Variants in PRRC2C observed in about 807,000 individuals in gnomAD.
The protein encoded by PRRC2C is protein PRRC2C.
In PRRC2C, 72 loss-of-function variants were observed where a neutral mutation model predicts 317.2. The observed-to-expected ratio is 0.23, with a 90% CI of 0.19 to 0.28. PRRC2C has a LOEUF of 0.28. Among genes scored for constraint, PRRC2C ranks in the 10% least tolerant of loss-of-function variants. The pLI, the probability that PRRC2C is intolerant of heterozygous loss-of-function variation, is 1.00. For missense variants in PRRC2C, 3,074 were observed against 3,459.7 expected, an observed-to-expected ratio of 0.89 and a Z score of 2.80; for synonymous variants, 1,296 against 1,205.9, an observed-to-expected ratio of 1.07 and a Z score of -1.55.
Position 171,588,380 on chromosome 1 carries a change from G to GCTA in PRRC2C, c.8077_8079dup (p.Thr2693dup), listed in dbSNP as rs1455978635. On this transcript the variant is annotated inframe_insertion and splice_region_variant, in exon 33 of 35. Transcript: ENST00000647382. ...GACTAGTAATGGCTTCTTTCCAAGGGCTACTTCTACAAGTCCGAACAGCCA... is the reference window on the plus strand; with the variant it reads ...GACTAGTAATGGCTTCTTTCCAAGGGCTACTACTTCTACAAGTCCGAACAGCCA... 1 of 1,613,328 alleles carries GCTA rather than the reference G, an allele frequency of 6.2e-7. No individual in the cohort carries two copies. Among genetic ancestry groups the GCTA allele is most frequent in the South Asian group, 1.1e-5 (1 of 91,010 alleles).
chr1:171,534,601 A>G (rs1676480104), intron 12 of PRRC2C, among the ~76,000 whole-genome samples: 1 of 150,822 alleles, frequency 6.6e-6, no homozygotes, highest in East Asian at 1.9e-4. Flanking sequence ...CCAGTATATT[A>G]TTTTCCATTC....
chr1:171,527,900 G>C, intron 11 of PRRC2C, 56 bp downstream of exon 11: 2 of 1,442,204 alleles, frequency 1.4e-6, no homozygotes, highest in Non-Finnish European at 1.9e-6. Context: ...TTTTGTTTTG[G>C]TGGAAAGACA....
intron 26 of PRRC2C, 106 bp downstream of exon 26, chr1:171,577,743 G>C (rs1647353214): frequency 2.6e-6 from 2 of 774,698 alleles, no homozygotes; most frequent in Admixed American, 2.9e-5. Context: ...GGCTCTTAAA[G>C]TACATTGCTG....
intron 16 of PRRC2C, 104 bp from the exon 17 acceptor site, chr1:171,545,375 A>G (rs1232522568): frequency 1.1e-6 from 1 of 940,382 alleles, no homozygotes; most frequent in Non-Finnish European, 1.6e-6. Flanking sequence ...TTTCTATCCC[A>G]ACAGTGTTTC....
intron 11 of PRRC2C, among the ~76,000 whole-genome samples, chr1:171,531,015 C>T (rs7534557): frequency 0.16 from 24,033 of 152,140 alleles, 1,963 homozygotes; most frequent in Middle Eastern, 0.29. Context: ...CATGAAACAA[C>T]GTGCCCACAA....
intron 1 of PRRC2C, among the ~76,000 whole-genome samples, chr1:171,500,537 C>T (rs996948316): frequency 1.3e-5 from 2 of 152,060 alleles, no homozygotes; most frequent in African/African-American, 4.8e-5. Flanking sequence ...GCTTGAACTA[C>T]CGGTACACGC....
intron 16 of PRRC2C, among the ~76,000 whole-genome samples, chr1:171,542,629 A>G (rs1678161135): frequency 6.6e-6 from 1 of 152,222 alleles, no homozygotes; most frequent in Non-Finnish European, 1.5e-5. Flanking sequence ...ATAACCATAT[A>G]CTTTGTCACT....
At chr1:171,489,981 G>A (rs577466294) in intron 1 of PRRC2C, among the ~76,000 whole-genome samples, 46 of 151,916 alleles carry the variant, frequency 3.0e-4, no homozygotes, top group African/African-American at 1.1e-3. Flanking sequence ...GTGCAGTGGC[G>A]CTATCTTGGC....
intron 11 of PRRC2C, among the ~76,000 whole-genome samples, chr1:171,531,757 C>G (rs959866630): frequency 6.6e-6 from 1 of 152,144 alleles, no homozygotes; most frequent in Non-Finnish European, 1.5e-5. Flanking sequence ...GTTCTAGATA[C>G]GCTTTTCTGG....
chr1:171,571,998 T>C (rs555262109), intron 24 of PRRC2C, among the ~76,000 whole-genome samples: 3 of 152,100 alleles, frequency 2.0e-5, no homozygotes, highest in Non-Finnish European at 2.9e-5. Context: ...TCAAAATGTT[T>C]TGGCCTTTTT....
rs1681799445 is a variant in PRRC2C, at chr1:171,558,134, T to G, written c.6022T>G (p.Ser2008Ala). The change falls in exon 19 of 35, where the codon TCT (serine) becomes GCT (alanine). Residue 2008 changes from serine to alanine, a missense_variant. This residue lies in a region of PRRC2C where 640 missense variants were observed against 676.1 expected (regional missense o/e 0.95). Coordinates refer to ENST00000647382, the MANE Select transcript of PRRC2C (RefSeq NM_001387844.1). ...VAPPAVLNDI[S>A]KKLGPISPPQ... ...CCCACCAGCTGTGCTGAATGATATC[T>G]CTAAGAAATGTAAGTTGCAAAAGAG... 1 of 1,609,766 alleles carries G rather than the reference T, an allele frequency of 6.2e-7. No individual in the cohort carries two copies. The highest frequency in any genetic ancestry group is 8.5e-7 in the Non-Finnish European group (1 of 1,177,142).
intron 11 of PRRC2C, among the ~76,000 whole-genome samples, chr1:171,531,397 G>A (rs1159717364): frequency 6.6e-6 from 1 of 152,190 alleles, no homozygotes; most frequent in Non-Finnish European, 1.5e-5. Flanking sequence ...TTATCTCTGA[G>A]CTGTGGATGA....
chr1:171,510,204 G>A (rs2102231293), intron 1 of PRRC2C: 1 of 152,262 alleles, frequency 6.6e-6, no homozygotes, highest in East Asian at 1.9e-4. Context: ...GGAAAGTTTG[G>A]ATGTTAGATA....
rs570147947 is a variant in PRRC2C at position 171,564,077 on chromosome 1, A to T, written c.6118-2156A>T. On this transcript the variant is annotated intron_variant, in intron 20 of 34. Coordinates refer to ENST00000647382, the MANE Select transcript of PRRC2C (RefSeq NM_001387844.1). Reference sequence around the variant, plus strand: ...GAAGATGATTTTTTGTGAATGTCATACATTATTTTGGAGTTTTTCCTCATG... The same window carrying T: ...GAAGATGATTTTTTGTGAATGTCATTCATTATTTTGGAGTTTTTCCTCATG... Among the ~76,000 whole-genome samples, 6 of 152,280 alleles carry T rather than the reference A, an allele frequency of 3.9e-5. No individual in the cohort carries two copies. The South Asian group carries it at 1.2e-3, about 32-fold the overall frequency.
rs192771870 is a variant in PRRC2C, at chr1:171,539,734, T to A, written c.2505-237T>A. ...CCTTCTTTTTTATCCCTGAATAATA[T>A]TCTATTGTATGTGTATACCACATTT... is the stretch of plus-strand genomic sequence containing the variant. On this transcript the variant is annotated intron_variant, in intron 15 of 34. Coordinates refer to ENST00000647382, the MANE Select transcript of PRRC2C (RefSeq NM_001387844.1). Among the ~76,000 whole-genome samples, 6 of 152,334 alleles carry A rather than the reference T, an allele frequency of 3.9e-5. No homozygotes were observed. The East Asian group carries it at 1.2e-3, about 29-fold the overall frequency.
At chr1:171,554,570 C>A (rs1279703967) in intron 18 of PRRC2C, among the ~76,000 whole-genome samples, 1 of 152,170 alleles carries the variant, frequency 6.6e-6, no homozygotes. Flanking sequence ...CATTGATGGT[C>A]TTTACAATTT....
rs1677793827 is a variant in PRRC2C, at chr1:171,540,662, C to T, written c.3196C>T (p.Pro1066Ser). 1 of 1,613,854 alleles carries T rather than the reference C, an allele frequency of 6.2e-7. No homozygotes were observed. Among genetic ancestry groups the T allele is most frequent in the Non-Finnish European group, 8.5e-7 (1 of 1,179,888 alleles). ...EKKDLPPPPP[P>S]PQPPAPIQPQ... The stretch of plus-strand genomic sequence containing the variant: ...GAAGGATCTTCCTCCTCCCCCACCA[C>T]CACCTCAGCCACCAGCACCAATTCA... Residue 1066 changes from proline to serine, a missense_variant, in exon 16 of 35, where the codon CCA becomes TCA. Coordinates refer to ENST00000647382, the MANE Select transcript of PRRC2C (RefSeq NM_001387844.1).
intron 1 of PRRC2C, among the ~76,000 whole-genome samples, chr1:171,506,208 T>C (rs1344376796): frequency 6.6e-6 from 1 of 152,220 alleles, no homozygotes; most frequent in African/African-American, 2.4e-5. Context: ...ATTTTGCCTT[T>C]ATTTTTGGAA....
chr1:171,490,046 A>G (rs1666836083), intron 1 of PRRC2C, among the ~76,000 whole-genome samples: 1 of 151,854 alleles, frequency 6.6e-6, no homozygotes, highest in Non-Finnish European at 1.5e-5. Context: ...CAGCTTCCTG[A>G]GTAGCTGGGA....
Sources: gnomAD v4.1 joint callset for allele counts (sites outside exome capture counted in the v4.1 genomes callset) on GRCh38, gnomAD v4.1.1 for gene constraint, gnomAD v4.1.1 regional missense constraint, MANE v1.5 for transcripts, NCBI Gene and HGNC (gene_info 2026-07-23, HGNC 2026-07-21) for gene names.